Variants in EML5 observed in about 807,000 individuals in gnomAD.
EML5 encodes echinoderm microtubule-associated protein-like 5.
EML5 carries 120 observed loss-of-function variants against 250.0 expected under a neutral mutation model. The ratio of observed to expected loss-of-function variants is 0.48; its 90% CI spans 0.41 to 0.56. The LOEUF (loss-of-function observed/expected upper bound fraction) is 0.56. Among genes scored for constraint, EML5 ranks in the 20% least tolerant of loss-of-function variants. The pLI, the probability that EML5 is intolerant of heterozygous loss-of-function variation, is 0.00. For synonymous variants in EML5, 771 were observed against 806.5 expected (o/e 0.96, Z 0.75); for missense variants, 2,006 against 2,437.6 (o/e 0.82, Z 3.73).
chr14:88,786,492 T>C (rs1202372108), intron 1 of EML5, among the ~76,000 whole-genome samples: 1 of 152,072 alleles, frequency 6.6e-6, no homozygotes, highest in Non-Finnish European at 1.5e-5. Flanking sequence ...AACCAAGAAA[T>C]AGATATGTCC....
chr14:88,636,356 G>A (rs2090728904), intron 32 of EML5, among the ~76,000 whole-genome samples: 1 of 152,080 alleles, frequency 6.6e-6, no homozygotes, highest in African/African-American at 2.4e-5. Flanking sequence ...GGTGCCAAAG[G>A]AGACCTTTTA....
In EML5 at chr14:88,726,735, A is replaced by C. The variant is rs11847772; in HGVS notation, c.1050-57T>G. 3.7e-3 allele frequency: 4,924 copies of C among 1,314,544 alleles called. 166 individuals are homozygous for C. The African/African-American group carries it at 0.064, about 17-fold the overall frequency. 81.4% of individuals were successfully genotyped at this position (1,314,544 alleles called of 1,614,324 possible). On this transcript the variant is annotated intron_variant, in intron 7 of 43. Coordinates refer to ENST00000554922, the MANE Select transcript of EML5 (RefSeq NM_183387.3). ...TTAGCTAATGCATACTTTAGTAAAA[A>C]TATTTTGGTTAAAATAATCTCATCT...
At chr14:88,661,188 A>G (rs1040119938) in intron 25 of EML5, among the ~76,000 whole-genome samples, 1 of 152,178 alleles carries the variant, frequency 6.6e-6, no homozygotes, top group Non-Finnish European at 1.5e-5. Context: ...TCCTGGGCTC[A>G]AGCAATCTTC....
At chr14:88,625,239 T>C in intron 35 of EML5, 112 bp from the exon 36 acceptor site, 2 of 1,282,526 alleles carry the variant, frequency 1.6e-6, no homozygotes, top group African/African-American at 1.5e-5. Context: ...ACAAAGAGCA[T>C]GCATCGTGTA....
chr14:88,618,331 C>A lies in EML5; in HGVS notation c.5539G>T (p.Val1847Phe). ...DFSADSSYLQVSSGCYKRHVY... is the reference protein window; with the variant it reads ...DFSADSSYLQFSSGCYKRHVY... ...TGCCGTTTATAGCAGCCACTAGAGA[C>A]CTTTTTCATCAGATTAAAATGGGAC... is the stretch of plus-strand genomic sequence containing the variant. Residue 1847 changes from valine (V) to phenylalanine (F), a missense_variant and splice_region_variant, in exon 41 of 44, where the codon GTC (valine) becomes TTC (phenylalanine). Val to Phe is a conservative substitution (Grantham distance 50). Transcript: ENST00000554922. 1.9e-6 allele frequency: 3 copies of A among 1,613,012 alleles called. No individual in the cohort carries two copies. Among genetic ancestry groups the A allele is most frequent in the Non-Finnish European group, 2.5e-6 (3 of 1,179,478 alleles).
At position 88,657,442 on chromosome 14, in the gene EML5, G is replaced by A. The variant is rs2091913320; in HGVS notation, c.3938C>T (p.Thr1313Ile). Residue 1313 changes from threonine (T) to isoleucine (I), a missense_variant, in exon 27 of 44, where the codon ACA (threonine) becomes ATA (isoleucine). Around this residue, in one of 7 missense-constraint regions of EML5, gnomAD observed 1,375 missense variants for 1,590.3 expected, o/e 0.86. Transcript: ENST00000554922. ...EISYTIRALSTNIRPMLGIKP... is the reference protein window; with the variant it reads ...EISYTIRALSINIRPMLGIKP... Reference sequence around the variant, plus strand: ...GATTCCTAACATTGGGCGAATATTTGTTGATAAGGCTCTGATGGTGTAACT... The same window carrying A: ...GATTCCTAACATTGGGCGAATATTTATTGATAAGGCTCTGATGGTGTAACT... 1 of 1,604,126 alleles carries A rather than the reference G, an allele frequency of 6.2e-7. No homozygotes were observed. Among genetic ancestry groups the A allele is most frequent in the Non-Finnish European group, 8.5e-7 (1 of 1,174,930 alleles).
intron 9 of EML5, 35 bp downstream of exon 9, chr14:88,714,904 G>A (rs775221812): frequency 6.3e-7 from 1 of 1,588,360 alleles, no homozygotes; most frequent in South Asian, 1.1e-5. Context: ...TATTGTATAG[G>A]TACTACAAAT....
chr14:88,694,487 T>C, intron 16 of EML5, 80 bp from the exon 17 acceptor site: 1 of 949,810 alleles, frequency 1.1e-6, no homozygotes, highest in Non-Finnish European at 1.6e-6. Context: ...ATACCCTATC[T>C]TGATTACTCT....
At chr14:88,744,000 A>G (rs2093966674) in intron 4 of EML5, 23 bp downstream of exon 4, 1 of 1,509,142 alleles carries the variant, frequency 6.6e-7, no homozygotes, top group Non-Finnish European at 9.0e-7. Flanking sequence ...CGTGACTATT[A>G]TAAAACAAGA....
chr14:88,618,767 G>C lies in EML5; in HGVS notation c.5421C>G (p.Asn1807Lys). The change falls in exon 40 of 44, where the codon AAC (asparagine) becomes AAG (lysine). Residue 1807 changes from asparagine (N) to lysine (K), a missense_variant. Physicochemically the swap from Asn to Lys is moderately conservative, Grantham distance 94 (BLOSUM62 0). Coordinates refer to ENST00000554922, the MANE Select transcript of EML5 (RefSeq NM_183387.3). ...SRYLAVGSSE[N>K]SVDFYDLTLG... ...GCGTTAGGTCATAAAAATCCACTGA[G>C]TTCTCACTAGAACCTACTGCCAGAT... is the stretch of plus-strand genomic sequence containing the variant. 1 of 1,600,840 alleles carries C rather than the reference G, an allele frequency of 6.2e-7. No individual in the cohort carries two copies. Among genetic ancestry groups the C allele is most frequent in the Non-Finnish European group, 8.5e-7 (1 of 1,172,588 alleles).
intron 27 of EML5, among the ~76,000 whole-genome samples, chr14:88,655,547 C>T (rs2091836069): frequency 6.6e-6 from 1 of 152,072 alleles, no homozygotes; most frequent in Admixed American, 6.6e-5. Flanking sequence ...TAGCTAATAC[C>T]ATTCAGGACT....
In EML5 at chr14:88,792,538, C is replaced by CGCGGCGGCGACGGGAG. The variant is rs1566812768; in HGVS notation, c.-51_-36dup. 24 of 1,242,506 alleles carry CGCGGCGGCGACGGGAG rather than the reference C, an allele frequency of 1.9e-5. No individual in the cohort carries two copies. Among genetic ancestry groups the CGCGGCGGCGACGGGAG allele is most frequent in the Non-Finnish European group, 2.2e-5 (22 of 988,342 alleles). 77.0% of individuals were successfully genotyped at this position (1,242,506 alleles called of 1,614,324 possible). On this transcript the variant is annotated 5_prime_UTR_variant, in exon 1 of 44. Coordinates refer to ENST00000554922, the MANE Select transcript of EML5 (RefSeq NM_183387.3). The surrounding 1 kb of genome is among the most constrained non-coding windows in gnomAD (Gnocchi z 6.9). The stretch of plus-strand genomic sequence containing the variant: ...CCCACCCGCCGCTCCCGCTCGGGCC[C>CGCGGCGGCGACGGGAG]GCGGCGGCGACGGGAGGCGGCGGCG...
At chr14:88,718,603 G>A (rs1312827301) in intron 8 of EML5, among the ~76,000 whole-genome samples, 2 of 152,178 alleles carry the variant, frequency 1.3e-5, no homozygotes, top group Non-Finnish European at 2.9e-5. Context: ...TAGGGACATA[G>A]GGTACAATTA....
In EML5 at chr14:88,736,356, T is replaced by C. The variant is rs2093841317; in HGVS notation, c.1049+8A>G. 2 of 1,613,840 alleles carry C rather than the reference T, an allele frequency of 1.2e-6. No individual in the cohort carries two copies. Among genetic ancestry groups the C allele is most frequent in the African/African-American group, 1.3e-5 (1 of 74,926 alleles). On this transcript the variant is annotated splice_region_variant and intron_variant, in intron 7 of 43. Coordinates refer to ENST00000554922, the MANE Select transcript of EML5 (RefSeq NM_183387.3). ...CCAGCCTATGGAATTAGTTTATAAT[T>C]TGCTTACCTGACCGAACGATCATCA...
intron 26 of EML5, 44 bp from the exon 27 acceptor site, chr14:88,657,546 A>G: frequency 1.3e-6 from 2 of 1,498,742 alleles, no homozygotes; most frequent in Non-Finnish European, 1.8e-6. Flanking sequence ...AATAACTGAG[A>G]TCAATTATGA....
chr14:88,656,206 T>G (rs1466569925), intron 27 of EML5, among the ~76,000 whole-genome samples: 1 of 152,182 alleles, frequency 6.6e-6, no homozygotes. Context: ...AGCAAAGACT[T>G]GGAACCAACT....
At position 88,684,392 on chromosome 14, in the gene EML5, G is replaced by C. The variant is rs1056617600; in HGVS notation, c.2982+623C>G. Among the ~76,000 whole-genome samples, 181 of 135,830 alleles carry C rather than the reference G, an allele frequency of 1.3e-3. 1 individual carries two copies. The highest frequency in any genetic ancestry group is 5.0e-3 in the African/African-American group (176 of 35,138). 89.1% of individuals were successfully genotyped at this position (135,830 alleles called of 152,430 possible). A position where few individuals can be genotyped will look rare whatever the true frequency, so the allele number is the denominator to read the frequency against. ...TCACCGTTTTAGCCGGGATGGTCTC[G>C]ATCTCCTGACCTCGTGATCCGCCCG... On this transcript the variant is annotated intron_variant, in intron 20 of 43. Coordinates refer to ENST00000554922, the MANE Select transcript of EML5 (RefSeq NM_183387.3).
chr14:88,636,957 T>C (rs954531722), intron 32 of EML5, among the ~76,000 whole-genome samples: 2 of 152,178 alleles, frequency 1.3e-5, no homozygotes, highest in African/African-American at 4.8e-5. Flanking sequence ...TCCAAGATTC[T>C]ATCCAGGAAA....
At chr14:88,774,489 T>C (rs2094429182) in intron 1 of EML5, among the ~76,000 whole-genome samples, 1 of 152,214 alleles carries the variant, frequency 6.6e-6, no homozygotes, top group Non-Finnish European at 1.5e-5. Flanking sequence ...CTCTTCCTTT[T>C]CCCCTGGGCA....
Sources: gnomAD v4.1 joint callset for allele counts (sites outside exome capture counted in the v4.1 genomes callset) on GRCh38, gnomAD v4.1.1 for gene constraint, gnomAD v4.1.1 regional missense constraint, Gnocchi (gnomAD v3.1) non-coding constraint, MANE v1.5 for transcripts, NCBI Gene and HGNC (gene_info 2026-07-23, HGNC 2026-07-21) for gene names.